The following NFIA variants were observed in gnomAD, a reference collection of about 807,000 sequenced individuals.
NFIA encodes nuclear factor I A, also known as nuclear factor 1 A-type.
NFIA carries 8 observed loss-of-function variants against 62.8 expected under a neutral mutation model. The observed-to-expected ratio is 0.13, with a 90% CI of 0.07 to 0.23. The LOEUF (loss-of-function observed/expected upper bound fraction) is 0.23. NFIA is among the 10% of genes least tolerant of loss of function. The pLI, the probability that NFIA is intolerant of heterozygous loss-of-function variation, is 1.00. For synonymous variants in NFIA, 235 were observed against 238.1 expected, an observed-to-expected ratio of 0.99 and a Z score of 0.12; for missense variants, 410 against 642.1, an observed-to-expected ratio of 0.64 and a Z score of 3.91.
intron 2 of NFIA, among the ~76,000 whole-genome samples, chr1:61,203,561 A>G (rs907934397): frequency 5.3e-5 from 8 of 152,122 alleles, no homozygotes; most frequent in African/African-American, 1.9e-4. Context: ...GGAAGAAGGT[A>G]GGGAACACAT....
At chr1:61,129,079 C>T (rs545028767) in intron 2 of NFIA, among the ~76,000 whole-genome samples, 15 of 151,652 alleles carry the variant, frequency 9.9e-5, no homozygotes, top group African/African-American at 2.7e-4. Flanking sequence ...CCCACCACCA[C>T]GCCCGGCTAA....
At chr1:61,433,923 A>G (rs1353941726) in intron 10 of NFIA, among the ~76,000 whole-genome samples, 1 of 152,176 alleles carries the variant, frequency 6.6e-6, no homozygotes, top group Non-Finnish European at 1.5e-5. Context: ...CTGCTGCTCT[A>G]TGGTCAGAAC....
At chr1:61,158,353 TC>T (rs1648952834) in intron 2 of NFIA, among the ~76,000 whole-genome samples, 2 of 152,244 alleles carry the variant, frequency 1.3e-5, no homozygotes, top group South Asian at 2.1e-4. Flanking sequence ...TGTTTCTATG[TC>T]CTGCACATTA....
intron 2 of NFIA, among the ~76,000 whole-genome samples, chr1:61,152,635 T>G (rs1648504032): frequency 6.6e-6 from 1 of 152,212 alleles, no homozygotes; most frequent in Non-Finnish European, 1.5e-5. Context: ...TATCATGATC[T>G]AAGGCCTTTT....
chr1:61,334,003 A>G (rs1289671767), intron 4 of NFIA, among the ~76,000 whole-genome samples: 1 of 152,208 alleles, frequency 6.6e-6, no homozygotes, highest in East Asian at 1.9e-4. Context: ...CCATCTCAAA[A>G]AACAAACCAA....
chr1:61,205,603 A>G (rs972790258), intron 2 of NFIA, among the ~76,000 whole-genome samples: 4 of 152,158 alleles, frequency 2.6e-5, no homozygotes, highest in Non-Finnish European at 4.4e-5. Context: ...GTAGGATATA[A>G]ATAACTTCCA....
intron 2 of NFIA, among the ~76,000 whole-genome samples, chr1:61,268,784 G>A (rs531308214): frequency 6.6e-6 from 1 of 152,218 alleles, no homozygotes; most frequent in East Asian, 1.9e-4. Context: ...GGAGCTCTGG[G>A]CTCAAGATTT....
chr1:61,374,640 T>C (rs1161545871), intron 6 of NFIA, among the ~76,000 whole-genome samples: 2 of 152,130 alleles, frequency 1.3e-5, no homozygotes, highest in Admixed American at 1.3e-4. Flanking sequence ...TCCATGTAAT[T>C]TTTACTCCAT....
intron 2 of NFIA, among the ~76,000 whole-genome samples, chr1:61,263,140 T>C (rs1557669321): frequency 6.6e-6 from 1 of 152,220 alleles, no homozygotes; most frequent in Non-Finnish European, 1.5e-5. Context: ...ACTTTGTTTT[T>C]CCCAATAATG....
intron 2 of NFIA, among the ~76,000 whole-genome samples, chr1:61,134,469 A>G (rs1266282440): frequency 6.6e-6 from 1 of 152,084 alleles, no homozygotes; most frequent in Non-Finnish European, 1.5e-5. Flanking sequence ...CTGTTTTCTC[A>G]TGTCCATGTT....
intron 2 of NFIA, among the ~76,000 whole-genome samples, chr1:61,243,392 TA>T (rs1655458990): frequency 6.6e-6 from 1 of 152,222 alleles, no homozygotes. Flanking sequence ...TGCCAATTCT[TA>T]CATATTGTAC....
At chr1:61,338,697 C>T (rs1661745864) in intron 4 of NFIA, among the ~76,000 whole-genome samples, 1 of 152,162 alleles carries the variant, frequency 6.6e-6, no homozygotes, top group Non-Finnish European at 1.5e-5. Flanking sequence ...CTTGAAAATA[C>T]AAAATGTTCT....
chr1:61,081,541 CAT>C (rs373169952), upstream of NFIA, among the ~76,000 whole-genome samples: 553 of 152,302 alleles, frequency 3.6e-3, 2 homozygotes, highest in African/African-American at 0.013. Context: ...ATCCCTTTCA[CAT>C]ATTTTTTTCC....
chr1:61,382,049 AT>A (rs369944489), intron 6 of NFIA, among the ~76,000 whole-genome samples: 43 of 152,326 alleles, frequency 2.8e-4, no homozygotes, highest in African/African-American at 9.9e-4. Flanking sequence ...ACATGTAAAC[AT>A]GTATAAGTAA....
At chr1:61,392,950 G>A (rs947961973) in intron 7 of NFIA, among the ~76,000 whole-genome samples, 4 of 152,032 alleles carry the variant, frequency 2.6e-5, no homozygotes, top group Admixed American at 1.3e-4. Context: ...AGTGGTGCAT[G>A]TGTGCGCACA....
chr1:61,120,640 A>G (rs1280699772), intron 2 of NFIA, among the ~76,000 whole-genome samples: 1 of 152,216 alleles, frequency 6.6e-6, no homozygotes, highest in African/African-American at 2.4e-5. Context: ...AAAAGACATT[A>G]TTGGAAATTT....
At chr1:61,363,067 ACCTCCTTTAAAATATGCAAAATAT>A (rs556029429) in intron 6 of NFIA, among the ~76,000 whole-genome samples, 18 of 152,282 alleles carry the variant, frequency 1.2e-4, no homozygotes, top group Admixed American at 7.2e-4. Flanking sequence ...TAAAAAATTA[ACCTCCTTTAAAATATGCAAAATAT>A]AATGATCCTG....
chr1:61,196,477 G>A (rs1404906891), intron 2 of NFIA, among the ~76,000 whole-genome samples: 1 of 152,112 alleles, frequency 6.6e-6, no homozygotes, highest in Non-Finnish European at 1.5e-5. Context: ...ACTCTTAAGG[G>A]TACATGTAAA....
At position 61,440,402 on chromosome 1, in the gene NFIA, A is replaced by C. The variant is rs559471097; in HGVS notation, c.1512+13846A>C. On this transcript the variant is annotated intron_variant, in intron 10 of 10. Coordinates refer to ENST00000403491, the MANE Select transcript of NFIA (RefSeq NM_001134673.4). ...AGTAATAGTGAATTGATTGCTACCA[A>C]GTAATTCTCATATACAGTTGAGAAC... 2.0e-5 allele frequency among the ~76,000 whole-genome samples: 3 copies of C among 152,340 alleles called. No homozygotes were observed. The East Asian group carries it at 5.8e-4, about 29-fold the overall frequency.
Sources: allele counts gnomAD v4.1 joint callset (sites outside exome capture counted in the v4.1 genomes callset), GRCh38; gene constraint gnomAD v4.1.1; transcripts MANE v1.5; gene names NCBI Gene and HGNC (gene_info 2026-07-23, HGNC 2026-07-21).